CHPT1: variants seen among roughly 807,000 people sequenced by gnomAD.
CHPT1 encodes the protein choline phosphotransferase 1, also known as cholinephosphotransferase 1.
CHPT1 carries 36 observed loss-of-function variants against 47.6 expected under a neutral mutation model. The ratio of observed to expected loss-of-function variants is 0.76; its 90% CI spans 0.58 to 1.00. The LOEUF (loss-of-function observed/expected upper bound fraction) is 1.00. CHPT1 is among the 50% of genes least tolerant of loss of function. The pLI is 0.00. For synonymous variants in CHPT1, 194 were observed against 186.3 expected (o/e 1.04, Z -0.33); for missense variants, 458 against 498.1 (o/e 0.92, Z 0.77).
rs1057447112 is a variant in CHPT1 at position 101,726,346 on chromosome 12, T to C, written c.1118T>C (p.Ile373Thr). ...TACTTTAGTGCTTTGTGCCTGCAAA[T>C]TTCAAGACACCTTCATCTAAATATA... Reference protein sequence around the residue: ...VIYFSALCLQISRHLHLNIFK... With the variant: ...VIYFSALCLQTSRHLHLNIFK... Residue 373 changes from isoleucine to threonine, a missense_variant, in exon 8 of 9, where the codon ATT becomes ACT. Transcript: ENST00000229266. The C allele has an allele frequency of 6.2e-7, 1 of 1,613,446 alleles. No individual in the cohort carries two copies. Among genetic ancestry groups the C allele is most frequent in the Non-Finnish European group, 8.5e-7 (1 of 1,179,634 alleles).
At chr12:101,723,351 T>TC in intron 6 of CHPT1, 25 bp downstream of exon 6, 3 of 1,302,668 alleles carry the variant, frequency 2.3e-6, no homozygotes, top group Non-Finnish European at 3.2e-6. Flanking sequence ...TTATTCATGA[T>TC]ATAAATAATA....
rs771547118 is a variant in CHPT1, at chr12:101,698,163, C to A, written c.273+29C>A. ...GGGCTGGCCGATCGCCCGAGCCGGG[C>A]CCCAGATGCGCTGCGGGCGGGTCGC... is the stretch of plus-strand genomic sequence containing the variant. On this transcript the variant is annotated intron_variant, in intron 1 of 8. Coordinates refer to ENST00000229266, the MANE Select transcript of CHPT1 (RefSeq NM_020244.3). The A allele has an allele frequency of 3.5e-6, 5 of 1,410,544 alleles. No homozygotes were observed. The African/African-American group carries it at 7.4e-5, about 21-fold the overall frequency. 87.4% of individuals were successfully genotyped at this position (1,410,544 alleles called of 1,614,324 possible). A position where few individuals can be genotyped will look rare whatever the true frequency, so the allele number is the denominator to read the frequency against.
chr12:101,708,337 GT>G (rs914560762), intron 1 of CHPT1, among the ~76,000 whole-genome samples: 16 of 149,404 alleles, frequency 1.1e-4, no homozygotes, highest in East Asian at 3.9e-4. Context: ...TAATCAGTGG[GT>G]TTTTTTTTAA....
At chr12:101,719,790 C>A (rs78443706) in intron 4 of CHPT1, 1 of 234,050 alleles carries the variant, frequency 4.3e-6, no homozygotes, top group Non-Finnish European at 8.4e-6. Flanking sequence ...AAAGCAGTTT[C>A]AAAAAAAAGT....
Position 101,697,886 on chromosome 12 carries a change from T to G in CHPT1, c.25T>G (p.Ser9Ala), listed in dbSNP as rs980596608. The G allele has an allele frequency of 1.8e-5, 22 of 1,229,502 alleles. No individual in the cohort carries two copies. The highest frequency in any genetic ancestry group is 6.8e-5 in the South Asian group (2 of 29,218). 76.2% of individuals were successfully genotyped at this position (1,229,502 alleles called of 1,614,324 possible). A position where few individuals can be genotyped will look rare whatever the true frequency, so the allele number is the denominator to read the frequency against. The change falls in exon 1 of 9, where the codon TCC (serine) becomes GCC (alanine). Residue 9 changes from serine to alanine, a missense_variant. Physicochemically the swap from Ser to Ala is moderately conservative, Grantham distance 99. Transcript: ENST00000229266. ...CATGGCGGCAGGCGCCGGGGCCGGG[T>G]CCGCGCCGCGCTGGCTGAGGGCGCT... MAAGAGAG[S>A]APRWLRALSE...
intron 2 of CHPT1, 104 bp downstream of exon 2, chr12:101,714,341 A>G: frequency 1.7e-6 from 2 of 1,203,704 alleles, no homozygotes. Flanking sequence ...GAGCAAATGT[A>G]TGGAGTTGTT....
chr12:101,722,036 G>C lies in CHPT1; in HGVS notation c.781-1132G>C, dbSNP rs184601333. ...ATCATGCCACTGCACTTAAGCCTGG[G>C]TGACAGAGCTAGATTCCATCTCAAA... On this transcript the variant is annotated intron_variant, in intron 5 of 8. Transcript: ENST00000229266. Among the ~76,000 whole-genome samples, 288 of 151,568 alleles carry C rather than the reference G, an allele frequency of 1.9e-3. 2 individuals carry two copies. Among genetic ancestry groups the C allele is most frequent in the African/African-American group, 6.6e-3 (275 of 41,354 alleles).
At chr12:101,725,190 G>T (rs1951922950) in intron 7 of CHPT1, among the ~76,000 whole-genome samples, 1 of 151,924 alleles carries the variant, frequency 6.6e-6, no homozygotes, top group South Asian at 2.1e-4. Context: ...GCTTTTTCTG[G>T]AGTAACTTAA....
At chr12:101,719,467 A>G (rs1315246156) in intron 4 of CHPT1, 1 of 1,035,224 alleles carries the variant, frequency 9.7e-7, no homozygotes, top group African/African-American at 1.7e-5. Flanking sequence ...ACTGTTTTTT[A>G]AATCCTTTGC....
chr12:101,709,863 G>T (rs1951683045), intron 1 of CHPT1, among the ~76,000 whole-genome samples: 1 of 148,532 alleles, frequency 6.7e-6, no homozygotes, highest in Non-Finnish European at 1.5e-5. Context: ...TGTGGCCTGT[G>T]GTAGGATAAA....
intron 1 of CHPT1, among the ~76,000 whole-genome samples, chr12:101,711,129 CA>C (rs1951696955): frequency 6.8e-6 from 1 of 147,920 alleles, no homozygotes; most frequent in Non-Finnish European, 1.5e-5. Context: ...ACACTGTATA[CA>C]AAAATAAACT....
At chr12:101,716,090 G>C (rs1416065589) in intron 3 of CHPT1, among the ~76,000 whole-genome samples, 2 of 152,158 alleles carry the variant, frequency 1.3e-5, no homozygotes, top group Admixed American at 1.3e-4. Flanking sequence ...AATTACAAAT[G>C]TTGACTAATT....
intron 5 of CHPT1, 57 bp from the exon 6 acceptor site, chr12:101,723,111 A>G: frequency 6.8e-7 from 1 of 1,470,564 alleles, no homozygotes; most frequent in Non-Finnish European, 9.5e-7. Context: ...GAAAATGTCT[A>G]CATTGTAATA....
Position 101,728,917 on chromosome 12 carries a change from CA to C in CHPT1, c.1196del (p.Lys399ArgfsTer36). 1.2e-6 allele frequency: 2 copies of C among 1,613,424 alleles called. No homozygotes were observed. Among genetic ancestry groups the C allele is most frequent in the Non-Finnish European group, 1.7e-6 (2 of 1,179,658 alleles). ...QAPEQVQVLS[S>X]KSHQNNMD ...ATTACTTAGGTTCAAGTTCTTTCTT[CA>C]AAGAGTCATCAGAATAACATGGATT... On this transcript the variant is annotated frameshift_variant, in exon 9 of 9. Coordinates refer to ENST00000229266, the MANE Select transcript of CHPT1 (RefSeq NM_020244.3). LOFTEE classifies it high-confidence loss of function.
At chr12:101,727,861 T>G (rs1952000180) in intron 8 of CHPT1, 1 of 152,176 alleles carries the variant, frequency 6.6e-6, no homozygotes, top group Admixed American at 6.6e-5. Context: ...TAGAAAAAGT[T>G]TATCTGTAGG....
intron 1 of CHPT1, among the ~76,000 whole-genome samples, chr12:101,700,491 C>T (rs777839616): frequency 1.2e-4 from 18 of 152,122 alleles, no homozygotes; most frequent in Non-Finnish European, 1.8e-4. Context: ...GGAGGGGAAA[C>T]GCCATTACAG....
intron 4 of CHPT1, 51 bp from the exon 5 acceptor site, chr12:101,720,072 A>G (rs766046295): frequency 3.5e-6 from 5 of 1,426,130 alleles, no homozygotes; most frequent in Non-Finnish European, 4.7e-6. Context: ...ATTATTTAAT[A>G]AAAAACCAAA....
chr12:101,704,651 T>C (rs1362867648), intron 1 of CHPT1, among the ~76,000 whole-genome samples: 1 of 143,190 alleles, frequency 7.0e-6, no homozygotes, highest in Non-Finnish European at 1.5e-5. Flanking sequence ...TCCACCCACC[T>C]CAGCCTCCCA....
intron 4 of CHPT1, chr12:101,717,347 T>G (rs1951779205): frequency 2.2e-6 from 1 of 451,252 alleles, no homozygotes; most frequent in Non-Finnish European, 4.5e-6. Flanking sequence ...CAAGCTTTTT[T>G]GCAAAAGAAG....
Sources: allele counts gnomAD v4.1 joint callset (sites outside exome capture counted in the v4.1 genomes callset), GRCh38; gene constraint gnomAD v4.1.1; transcripts MANE v1.5; gene names NCBI Gene and HGNC (gene_info 2026-07-23, HGNC 2026-07-21).